AGMO: variants seen among roughly 807,000 people sequenced by gnomAD.
The protein encoded by AGMO is glyceryl-ether monooxygenase.
Under a neutral mutation model 60.2 loss-of-function variants are expected in AGMO, and 75 were observed. The ratio of observed to expected loss-of-function variants is 1.25; its 90% CI spans 1.03 to 1.51. The LOEUF is 1.51. AGMO is among the 40% of genes most tolerant of loss of function. The pLI, the probability that AGMO is intolerant of heterozygous loss-of-function variation, is 0.00. For synonymous variants in AGMO, 261 were observed against 177.1 expected (o/e 1.47, Z -3.76); for missense variants, 763 against 525.5 (o/e 1.45, Z -4.42).
At chr7:15,184,332 AG>A in the AGMO span, among the ~76,000 whole-genome samples, 18 of 101,224 alleles carry the variant, frequency 1.8e-4, no homozygotes, top group Non-Finnish European at 2.1e-4. Flanking sequence ...GGAAGGAGGA[AG>A]GAAGGAAGGA....
chr7:15,307,845 C>G (rs1359321787), intron 12 of AGMO, among the ~76,000 whole-genome samples: 1 of 152,032 alleles, frequency 6.6e-6, no homozygotes, highest in Non-Finnish European at 1.5e-5. Flanking sequence ...CAGAAATTTA[C>G]AAGACTAAAT....
the AGMO span, among the ~76,000 whole-genome samples, chr7:15,120,108 C>T: frequency 6.6e-6 from 1 of 152,100 alleles, no homozygotes; most frequent in East Asian, 1.9e-4. Flanking sequence ...TACCCTCTCC[C>T]TACCAAAATC....
intron 3 of AGMO, among the ~76,000 whole-genome samples, chr7:15,524,052 TTTGTTGTGTA>T (rs1276070951): frequency 6.6e-6 from 1 of 152,054 alleles, no homozygotes; most frequent in African/African-American, 2.4e-5. Flanking sequence ...GTTTGATATT[TTTGTTGTGTA>T]TGTATTTGTA....
chr7:15,258,073 A>C (rs1042122121), intron 12 of AGMO, among the ~76,000 whole-genome samples: 6 of 152,194 alleles, frequency 3.9e-5, no homozygotes, highest in African/African-American at 1.4e-4. Context: ...TCTCAACCGG[A>C]TTGCCATCTT....
At chr7:15,313,438 T>TA (rs530230063) in intron 12 of AGMO, among the ~76,000 whole-genome samples, 67 of 152,304 alleles carry the variant, frequency 4.4e-4, no homozygotes, top group Non-Finnish European at 7.9e-4. Context: ...TATTCAGTCT[T>TA]ACTTCTGTCT....
intron 12 of AGMO, among the ~76,000 whole-genome samples, chr7:15,205,642 A>T (rs760970885): frequency 2.0e-5 from 3 of 152,160 alleles, no homozygotes; most frequent in Non-Finnish European, 4.4e-5. Flanking sequence ...CTTTAAGTAT[A>T]AAATGGCATT....
In AGMO at chr7:15,224,938, C is replaced by T. The variant is rs181941701; in HGVS notation, c.1264-23579G>A. Among the ~76,000 whole-genome samples the T allele has an allele frequency of 9.2e-5, 14 of 151,826 alleles. 1 individual carries two copies. The East Asian group carries it at 2.3e-3, about 25-fold the overall frequency. On this transcript the variant is annotated intron_variant, in intron 12 of 12. Coordinates refer to ENST00000342526, the MANE Select transcript of AGMO (RefSeq NM_001004320.2). The stretch of plus-strand genomic sequence containing the variant: ...AATTTTTTAACTTGTGATAAAAATA[C>T]GCATTTTGATTGTGGAAATTTCGGA...
chr7:15,523,096 T>G (rs1373655299), intron 3 of AGMO, among the ~76,000 whole-genome samples: 1 of 152,170 alleles, frequency 6.6e-6, no homozygotes, highest in Non-Finnish European at 1.5e-5. Flanking sequence ...GAAAAACAGT[T>G]CATCATCACT....
intron 12 of AGMO, among the ~76,000 whole-genome samples, chr7:15,226,573 T>C (rs1782087980): frequency 6.6e-6 from 1 of 151,998 alleles, no homozygotes; most frequent in Admixed American, 6.6e-5. Context: ...AGAGTAGAAA[T>C]ATGGGGTTAG....
At chr7:15,497,071 T>C (rs1992023) in intron 3 of AGMO, among the ~76,000 whole-genome samples, 1 of 151,934 alleles carries the variant, frequency 6.6e-6, no homozygotes, top group African/African-American at 2.4e-5. Context: ...AAGAAGAAGA[T>C]ATGAGCTGGA....
rs1437546098 is a variant in AGMO, at chr7:15,385,422, CTACTTAAAATGGATA to C, written c.1074+9_1074+23del. 7.2e-7 allele frequency: 1 copy of C among 1,379,642 alleles called. No individual in the cohort carries two copies. Among genetic ancestry groups the C allele is most frequent in the Non-Finnish European group, 1.0e-6 (1 of 975,748 alleles). 85.5% of individuals were successfully genotyped at this position (1,379,642 alleles called of 1,614,324 possible). ...CAAAGTAACAGATAATGTTCTCACA[CTACTTAAAATGGATA>C]TTACTTACAGCTGTATCTGCAAAGG... On this transcript the variant is annotated intron_variant, in intron 10 of 12. Coordinates refer to ENST00000342526, the MANE Select transcript of AGMO (RefSeq NM_001004320.2).
At chr7:15,274,700 T>A (rs1783727685) in intron 12 of AGMO, among the ~76,000 whole-genome samples, 1 of 151,882 alleles carries the variant, frequency 6.6e-6, no homozygotes, top group South Asian at 2.1e-4. Context: ...ATGGGCTTTT[T>A]TTTTTTTGGT....
intron 3 of AGMO, among the ~76,000 whole-genome samples, chr7:15,441,068 A>G (rs981962339): frequency 2.6e-5 from 4 of 152,226 alleles, no homozygotes; most frequent in Non-Finnish European, 5.9e-5. Context: ...ACATGCATAA[A>G]GAGCTTTTCC....
chr7:15,471,790 T>C (rs1233521943), intron 3 of AGMO, among the ~76,000 whole-genome samples: 1 of 151,846 alleles, frequency 6.6e-6, no homozygotes, highest in Non-Finnish European at 1.5e-5. Flanking sequence ...TTTCCAAAAC[T>C]TCCACAAGGT....
chr7:15,483,888 T>C (rs1052102725), intron 3 of AGMO, among the ~76,000 whole-genome samples: 1 of 152,062 alleles, frequency 6.6e-6, no homozygotes, highest in Non-Finnish European at 1.5e-5. Context: ...AAAATAAAAG[T>C]TAGAGAACCT....
At chr7:15,270,635 T>TTTTTTTTTTTTTTTTTTTTTTTTTTTTTG (rs1563063233) in intron 12 of AGMO, among the ~76,000 whole-genome samples, 1 of 116,300 alleles carries the variant, frequency 8.6e-6, no homozygotes, top group African/African-American at 3.4e-5. Flanking sequence ...TTTTTTTTTT[T>TTTTTTTTTTTTTTTTTTTTTTTTTTTTTG]TTGCTGTGCA....
chr7:15,120,688 G>A, the AGMO span, among the ~76,000 whole-genome samples: 2 of 152,084 alleles, frequency 1.3e-5, no homozygotes, highest in Admixed American at 6.5e-5. Flanking sequence ...AAAAATACAT[G>A]GCTGTTGTTG....
chr7:15,260,226 A>G (rs1161538017), intron 12 of AGMO, among the ~76,000 whole-genome samples: 2 of 151,698 alleles, frequency 1.3e-5, no homozygotes, highest in African/African-American at 2.4e-5. Flanking sequence ...AAAAAAAAAA[A>G]AAAGAATTCA....
intron 3 of AGMO, among the ~76,000 whole-genome samples, chr7:15,454,622 A>G (rs2128506607): frequency 6.6e-6 from 1 of 152,220 alleles, no homozygotes; most frequent in Non-Finnish European, 1.5e-5. Flanking sequence ...ATTAAAGATT[A>G]TATGGAATAT....
Sources: allele counts gnomAD v4.1 joint callset (sites outside exome capture counted in the v4.1 genomes callset), GRCh38; gene constraint gnomAD v4.1.1; transcripts MANE v1.5; gene names NCBI Gene and HGNC (gene_info 2026-07-23, HGNC 2026-07-21).